PRTFDC1: variants seen among roughly 807,000 people sequenced by gnomAD.
PRTFDC1 encodes phosphoribosyl transferase domain containing 1, also known as phosphoribosyltransferase domain-containing protein 1.
A neutral mutation model predicts 34.6 loss-of-function variants in PRTFDC1; 38 were observed. That is an observed-to-expected ratio of 1.10 (90% CI 0.85 to 1.44). The LOEUF (loss-of-function observed/expected upper bound fraction) is 1.44, where lower values mean the gene tolerates loss of function less well. Ranked by LOEUF, PRTFDC1 falls within the 40% of genes most tolerant of loss-of-function variation. PRTFDC1 has a pLI of 0.00. For missense variants in PRTFDC1, 270 were observed against 283.0 expected (o/e 0.95, Z 0.33); for synonymous variants, 93 against 98.1 (o/e 0.95, Z 0.31).
At chr10:24,855,406 C>A in intron 6 of PRTFDC1, 42 bp from the exon 7 acceptor site, 1 of 1,600,542 alleles carries the variant, frequency 6.2e-7, no homozygotes, top group Non-Finnish European at 8.5e-7. Context: ...CCAATCAAAT[C>A]TCTATGAATT....
intron 2 of PRTFDC1, among the ~76,000 whole-genome samples, chr10:24,940,542 G>A (rs1047512956): frequency 2.6e-5 from 4 of 152,150 alleles, no homozygotes; most frequent in Admixed American, 2.6e-4. Flanking sequence ...TAATCAAAAG[G>A]ACAGACAATA....
chr10:24,934,475 A>G (rs1198361780), intron 3 of PRTFDC1, among the ~76,000 whole-genome samples: 1 of 152,208 alleles, frequency 6.6e-6, no homozygotes, highest in Non-Finnish European at 1.5e-5. Flanking sequence ...CTGATAGAAT[A>G]GACCCCTTAG....
chr10:24,893,369 G>T (rs574658860), intron 3 of PRTFDC1, among the ~76,000 whole-genome samples: 1 of 152,178 alleles, frequency 6.6e-6, no homozygotes, highest in Admixed American at 6.5e-5. Flanking sequence ...GCACATTGCA[G>T]CCTTGAGCTC....
intron 3 of PRTFDC1, among the ~76,000 whole-genome samples, chr10:24,919,757 A>C (rs1289408266): frequency 6.6e-6 from 1 of 152,192 alleles, no homozygotes; most frequent in Non-Finnish European, 1.5e-5. Context: ...AATATCCAGA[A>C]TCTACAAGGG....
At position 24,849,868 on chromosome 10, in the gene PRTFDC1, G is replaced by A. The variant is rs770784719; in HGVS notation, c.654C>T (p.His218=). The A allele has an allele frequency of 7.4e-5, 120 of 1,613,712 alleles. No homozygotes were observed. Among genetic ancestry groups the A allele is most frequent in the Non-Finnish European group, 9.4e-5 (111 of 1,179,872 alleles). Residue 218 remains histidine (H), a synonymous_variant, in exon 9 of 9, where the codon CAC becomes CAT. Transcript: ENST00000320152. ...TTTAGACTCGATATTTTTCTTTACCGTGCTCATTGATGACGCATATGTGCT... is the reference window on the plus strand; with the variant it reads ...TTTAGACTCGATATTTTTCTTTACCATGCTCATTGATGACGCATATGTGCT... ...DLNHICVINE[H]GKEKYRV
At position 24,942,365 on chromosome 10, in the gene PRTFDC1, C is replaced by T. The variant is rs2132615736; in HGVS notation, c.120G>A (p.Glu40=). 6.2e-7 allele frequency: 1 copy of T among 1,613,672 alleles called. No individual in the cohort carries two copies. Among genetic ancestry groups the T allele is most frequent in the African/African-American group, 1.3e-5 (1 of 75,020 alleles). ...TGATACCATGAGGGATGAGGACATA[C>T]TCCAAGTCTCCATAATAGTGCTGTG... ...TYPQHYYGDL[E]YVLIPHGIIV... The change falls in exon 2 of 9, where the codon GAG becomes GAA. Residue 40 remains glutamate (E), a synonymous_variant. Transcript: ENST00000320152.
At chr10:24,894,266 G>A (rs577081675) in intron 3 of PRTFDC1, among the ~76,000 whole-genome samples, 4 of 151,492 alleles carry the variant, frequency 2.6e-5, no homozygotes, top group Admixed American at 2.6e-4. Context: ...GGGAACCAGA[G>A]GTTGCAGTGA....
intron 8 of PRTFDC1, 117 bp downstream of exon 8, chr10:24,851,271 C>G: frequency 2.8e-6 from 4 of 1,416,226 alleles, no homozygotes; most frequent in Non-Finnish European, 3.7e-6. Flanking sequence ...GCTCACCATA[C>G]TCCTGACATA....
chr10:24,849,909 T>A lies in PRTFDC1; in HGVS notation c.631-18A>T. The A allele has an allele frequency of 6.2e-7, 1 of 1,613,338 alleles. No individual in the cohort carries two copies. On this transcript the variant is annotated intron_variant, in intron 8 of 8. Coordinates refer to ENST00000320152, the MANE Select transcript of PRTFDC1 (RefSeq NM_020200.7). ...CATATGTGCTGAAACAATAAAGGAT[T>A]TAAACGCATCAGTTTCTTAACAAAA...
intron 1 of PRTFDC1, among the ~76,000 whole-genome samples, chr10:24,943,049 T>G (rs1349053255): frequency 6.7e-6 from 1 of 148,880 alleles, no homozygotes; most frequent in East Asian, 1.9e-4. Context: ...AAATTATATA[T>G]TTATAATATA....
intron 3 of PRTFDC1, among the ~76,000 whole-genome samples, chr10:24,879,274 G>A (rs1181450448): frequency 6.6e-6 from 1 of 152,116 alleles, no homozygotes; most frequent in Non-Finnish European, 1.5e-5. Flanking sequence ...TGCAGAGCCA[G>A]GGTCAGTGAA....
At position 24,935,242 on chromosome 10, in the gene PRTFDC1, G is replaced by A. The variant is rs549505710; in HGVS notation, c.339+1942C>T. Reference sequence around the variant, plus strand: ...CTTTAATTAAAAAAAATGTTAACAGGTTTTTAAAATGCTGTTAACCAGGGA... The same window carrying A: ...CTTTAATTAAAAAAAATGTTAACAGATTTTTAAAATGCTGTTAACCAGGGA... On this transcript the variant is annotated intron_variant, in intron 3 of 8. Coordinates refer to ENST00000320152, the MANE Select transcript of PRTFDC1 (RefSeq NM_020200.7). Among the ~76,000 whole-genome samples the A allele has an allele frequency of 5.9e-5, 9 of 152,270 alleles. No homozygotes were observed. In the East Asian group the frequency reaches 1.5e-3, roughly 26 times the overall value.
intron 3 of PRTFDC1, among the ~76,000 whole-genome samples, chr10:24,878,935 T>C (rs911486498): frequency 6.6e-6 from 1 of 152,186 alleles, no homozygotes; most frequent in Admixed American, 6.5e-5. Context: ...TTTCCCCTTT[T>C]TTCATCCTAA....
chr10:24,920,480 A>G (rs1320009959), intron 3 of PRTFDC1, among the ~76,000 whole-genome samples: 4 of 152,168 alleles, frequency 2.6e-5, no homozygotes, highest in Non-Finnish European at 5.9e-5. Flanking sequence ...GGAGCTGAAC[A>G]ATGAGAACAC....
chr10:24,897,000 A>G (rs1022405532), intron 3 of PRTFDC1, among the ~76,000 whole-genome samples: 1 of 152,210 alleles, frequency 6.6e-6, no homozygotes, highest in African/African-American at 2.4e-5. Context: ...GCTTAAGTCC[A>G]GGAGTTCAAG....
At chr10:24,857,388 G>A (rs995202397) in intron 5 of PRTFDC1, among the ~76,000 whole-genome samples, 2 of 152,198 alleles carry the variant, frequency 1.3e-5, no homozygotes, top group Admixed American at 6.5e-5. Flanking sequence ...TGAATACACT[G>A]AATGGATAAA....
At chr10:24,870,300 G>T (rs1847850951) in intron 4 of PRTFDC1, among the ~76,000 whole-genome samples, 1 of 152,094 alleles carries the variant, frequency 6.6e-6, no homozygotes, top group Non-Finnish European at 1.5e-5. Flanking sequence ...TAGAGACAGG[G>T]TTTTGCTATG....
intron 8 of PRTFDC1, among the ~76,000 whole-genome samples, 171 bp downstream of exon 8, chr10:24,851,217 T>G (rs1008114391): frequency 6.6e-6 from 1 of 152,162 alleles, no homozygotes; most frequent in African/African-American, 2.4e-5. Context: ...ATACCTACCC[T>G]GCAGAATAGT....
At chr10:24,870,699 C>G (rs1847854931) in intron 4 of PRTFDC1, among the ~76,000 whole-genome samples, 1 of 152,094 alleles carries the variant, frequency 6.6e-6, no homozygotes, top group South Asian at 2.1e-4. Context: ...TTAACAGCAA[C>G]AAGTTAATTC....
Sources: allele counts gnomAD v4.1 joint callset (sites outside exome capture counted in the v4.1 genomes callset), GRCh38; gene constraint gnomAD v4.1.1; transcripts MANE v1.5; gene names NCBI Gene and HGNC (gene_info 2026-07-23, HGNC 2026-07-21).